Variants in PTPRM observed in about 807,000 individuals in gnomAD.
PTPRM encodes receptor-type tyrosine-protein phosphatase mu.
A neutral mutation model predicts 186.7 loss-of-function variants in PTPRM; 47 were observed. The observed-to-expected ratio is 0.25, with a 90% CI of 0.20 to 0.32. The LOEUF (loss-of-function observed/expected upper bound fraction) is 0.32, where lower values mean the gene tolerates loss of function less well. Ranked by LOEUF, PTPRM falls within the 10% of genes least tolerant of loss-of-function variation. The pLI, the probability that PTPRM is intolerant of heterozygous loss-of-function variation, is 1.00. For synonymous variants in PTPRM, 668 were observed against 674.9 expected, an observed-to-expected ratio of 0.99 and a Z score of 0.16; for missense variants, 1,494 against 1,865.0, an observed-to-expected ratio of 0.80 and a Z score of 3.66.
chr18:8,376,265 G>C, intron 25 of PTPRM, 65 bp downstream of exon 25: 5 of 1,578,248 alleles, frequency 3.2e-6, no homozygotes, highest in Non-Finnish European at 4.3e-6. Context: ...GCCACCTTTG[G>C]GGATGATGAG....
chr18:8,176,504 A>T (rs548018802), intron 14 of PTPRM, among the ~76,000 whole-genome samples: 31 of 152,226 alleles, frequency 2.0e-4, no homozygotes, highest in Non-Finnish European at 3.7e-4. Flanking sequence ...ATGTATACAT[A>T]TGTAGGATTC....
At chr18:7,694,700 T>A (rs2039806100) in intron 1 of PTPRM, among the ~76,000 whole-genome samples, 1 of 152,160 alleles carries the variant, frequency 6.6e-6, no homozygotes, top group Non-Finnish European at 1.5e-5. Context: ...GTTCTGGGAT[T>A]ACAGGCATGA....
At chr18:7,688,427 A>C (rs953041519) in intron 1 of PTPRM, among the ~76,000 whole-genome samples, 2 of 152,240 alleles carry the variant, frequency 1.3e-5, no homozygotes, top group Non-Finnish European at 2.9e-5. Context: ...TGGTCCTTCC[A>C]GAAAAGCTGC....
intron 32 of PTPRM, among the ~76,000 whole-genome samples, chr18:8,400,100 C>T (rs913131585): frequency 6.6e-6 from 1 of 152,176 alleles, no homozygotes; most frequent in African/African-American, 2.4e-5. Context: ...AGCTCAATCA[C>T]TGTGTGTGTG....
At chr18:8,082,416 A>T (rs986547008) in intron 9 of PTPRM, among the ~76,000 whole-genome samples, 5 of 152,052 alleles carry the variant, frequency 3.3e-5, no homozygotes, top group African/African-American at 1.2e-4. Flanking sequence ...AGAACTCTGG[A>T]TTGGGACATG....
intron 7 of PTPRM, among the ~76,000 whole-genome samples, chr18:7,994,265 AACACACAC>A (rs71165762): frequency 0.076 from 11,391 of 148,972 alleles, 501 homozygotes; most frequent in Middle Eastern, 0.27. Flanking sequence ...GGATATAAAT[AACACACAC>A]ACACACACAC....
intron 4 of PTPRM, among the ~76,000 whole-genome samples, chr18:7,925,653 A>G (rs1469849957): frequency 6.6e-6 from 1 of 152,162 alleles, no homozygotes; most frequent in Non-Finnish European, 1.5e-5. Flanking sequence ...CCCAGAAAGT[A>G]TGATCATCCC....
chr18:8,211,935 G>A (rs929530169), intron 14 of PTPRM, among the ~76,000 whole-genome samples: 1 of 152,140 alleles, frequency 6.6e-6, no homozygotes. Context: ...CAGCCAGAGG[G>A]GAGTGGACTC....
At chr18:7,775,639 A>G (rs1306931594) in intron 2 of PTPRM, among the ~76,000 whole-genome samples, 1 of 152,120 alleles carries the variant, frequency 6.6e-6, no homozygotes, top group Non-Finnish European at 1.5e-5. Flanking sequence ...GTCCTGGTAG[A>G]TTGCCCCAGA....
chr18:8,381,906 A>C (rs988860103), intron 29 of PTPRM, among the ~76,000 whole-genome samples: 1 of 152,232 alleles, frequency 6.6e-6, no homozygotes, highest in Non-Finnish European at 1.5e-5. Context: ...ATTAGTGAAC[A>C]AGACATCAGT....
intron 1 of PTPRM, among the ~76,000 whole-genome samples, chr18:7,634,798 G>A (rs2038274931): frequency 6.6e-6 from 1 of 152,074 alleles, no homozygotes; most frequent in African/African-American, 2.4e-5. Context: ...ACAGCCTTAA[G>A]TTCATATTTC....
intron 1 of PTPRM, among the ~76,000 whole-genome samples, chr18:7,689,999 C>T (rs1245153622): frequency 1.3e-5 from 2 of 152,130 alleles, no homozygotes; most frequent in Non-Finnish European, 2.9e-5. Flanking sequence ...ACTGTATGGA[C>T]ACTTTGTTTT....
At chr18:7,746,573 C>G (rs2040991479) in intron 1 of PTPRM, among the ~76,000 whole-genome samples, 1 of 152,024 alleles carries the variant, frequency 6.6e-6, no homozygotes. Context: ...TCAAGCAATT[C>G]TCCTGCCTCA....
chr18:7,666,756 A>G (rs987500557), intron 1 of PTPRM, among the ~76,000 whole-genome samples: 6 of 152,164 alleles, frequency 3.9e-5, no homozygotes, highest in Non-Finnish European at 5.9e-5. Context: ...ACTATATCCA[A>G]TGTAAACAAT....
At chr18:8,047,698 A>G (rs1207044649) in intron 7 of PTPRM, among the ~76,000 whole-genome samples, 1 of 152,012 alleles carries the variant, frequency 6.6e-6, no homozygotes, top group African/African-American at 2.4e-5. Context: ...CCACCAAGAT[A>G]GCTGAATGTC....
At chr18:7,894,727 T>C (rs1308676982) in intron 3 of PTPRM, among the ~76,000 whole-genome samples, 1 of 152,058 alleles carries the variant, frequency 6.6e-6, no homozygotes, top group Admixed American at 6.6e-5. Context: ...AGGCTGTTTC[T>C]AGGCCTGAAA....
At chr18:7,712,099 C>T (rs148334026) in intron 1 of PTPRM, among the ~76,000 whole-genome samples, 150 of 152,290 alleles carry the variant, frequency 9.8e-4, no homozygotes, top group African/African-American at 3.4e-3. Context: ...ACAGACACCT[C>T]ATACAGGAGA....
chr18:7,803,139 A>T (rs77147386), intron 2 of PTPRM, among the ~76,000 whole-genome samples: 1,773 of 152,298 alleles, frequency 0.012, 32 homozygotes, highest in African/African-American at 0.041. Flanking sequence ...TTGCTGTTGT[A>T]ACAAGTTACC....
intron 7 of PTPRM, among the ~76,000 whole-genome samples, chr18:7,974,196 T>C (rs918656411): frequency 6.6e-6 from 1 of 152,158 alleles, no homozygotes; most frequent in Non-Finnish European, 1.5e-5. Flanking sequence ...CTCATTTTGG[T>C]TTGCCCCATT....
Sources: allele counts gnomAD v4.1 joint callset (sites outside exome capture counted in the v4.1 genomes callset), GRCh38; gene constraint gnomAD v4.1.1; transcripts MANE v1.5; gene names NCBI Gene and HGNC (gene_info 2026-07-23, HGNC 2026-07-21).